The following PCDH11X variants were observed in gnomAD, a reference collection of about 807,000 sequenced individuals.
The protein encoded by PCDH11X is protocadherin-11 X-linked.
Under a neutral mutation model 53.3 loss-of-function variants are expected in PCDH11X, and 18 were observed. The observed-to-expected ratio is 0.34, with a 90% CI of 0.23 to 0.50. The LOEUF (loss-of-function observed/expected upper bound fraction) is 0.50. Ranked by LOEUF, PCDH11X falls within the 20% of genes least tolerant of loss-of-function variation. The pLI is 0.98. For synonymous variants in PCDH11X, 279 were observed against 393.3 expected (o/e 0.71, Z 3.44); for missense variants, 570 against 1,032.4 (o/e 0.55, Z 6.14).
At chrX:91,975,245 T>C (rs1419951296) in intron 6 of PCDH11X, among the ~76,000 whole-genome samples, 1 of 111,893 alleles carries the variant, frequency 8.9e-6, no homozygotes, top group Non-Finnish European at 1.9e-5. Flanking sequence ...GATATCTTAA[T>C]AGACCAAAAT....
chrX:91,969,866 G>A lies in PCDH11X; in HGVS notation c.3033+90593G>A, dbSNP rs768082122. Among the ~76,000 whole-genome samples the A allele has an allele frequency of 2.7e-3, 300 of 109,951 alleles. 2 individuals carry two copies. The highest frequency in any genetic ancestry group is 9.4e-3 in the African/African-American group (285 of 30,268). On this transcript the variant is annotated intron_variant, in intron 6 of 10. Transcript: ENST00000682573. ...ATCATCGTGTTTGGCAGCATGGCTT[G>A]GTGGAGAGTGCGGCCTAGAATCCTG...
chrX:91,896,734 A>G (rs1192179211), intron 6 of PCDH11X, among the ~76,000 whole-genome samples: 1 of 44,578 alleles, frequency 2.2e-5, no homozygotes, highest in African/African-American at 1.1e-4. Flanking sequence ...AGGTTATAAC[A>G]TTAGTAAGTG....
intron 6 of PCDH11X, among the ~76,000 whole-genome samples, chrX:92,054,243 A>T (rs2063407557): frequency 9.0e-6 from 1 of 111,684 alleles, no homozygotes; most frequent in Non-Finnish European, 1.9e-5. Flanking sequence ...GGGACCTAGA[A>T]GCAAAGCAGG....
Position 92,093,128 on chromosome X carries a change from A to G in PCDH11X, c.3034-108247A>G, listed in dbSNP as rs1480492793. 2.7e-5 allele frequency among the ~76,000 whole-genome samples: 3 copies of G among 111,224 alleles called. No homozygotes were observed. In the East Asian group the frequency reaches 8.5e-4, roughly 31 times the overall value. ...CTATGCTTCTTATACAACCTGGAGA[A>G]TGCCGAGCCAATTAAATCTCTTTTC... On this transcript the variant is annotated intron_variant, in intron 6 of 10. Coordinates refer to ENST00000682573, the MANE Select transcript of PCDH11X (RefSeq NM_032968.5).
chrX:92,126,851 T>G (rs1007109521), intron 6 of PCDH11X, among the ~76,000 whole-genome samples: 3 of 92,800 alleles, frequency 3.2e-5, no homozygotes, highest in Non-Finnish European at 6.3e-5. Flanking sequence ...GTTTGAAATA[T>G]GTTAAAAAAA....
At chrX:92,498,617 T>C (rs2073902704) in intron 10 of PCDH11X, among the ~76,000 whole-genome samples, 1 of 109,166 alleles carries the variant, frequency 9.2e-6, no homozygotes, top group Admixed American at 1.0e-4. Flanking sequence ...TATTAGTAAC[T>C]AACATATAGC....
At chrX:92,480,302 G>A (rs1366500716) in intron 10 of PCDH11X, among the ~76,000 whole-genome samples, 1 of 111,100 alleles carries the variant, frequency 9.0e-6, no homozygotes, top group Admixed American at 9.6e-5. Context: ...ATGTACTCCT[G>A]CATCTCAATG....
chrX:92,421,731 T>C (rs1238802142), intron 9 of PCDH11X, among the ~76,000 whole-genome samples: 2 of 112,042 alleles, frequency 1.8e-5, no homozygotes, highest in Non-Finnish European at 3.8e-5. Flanking sequence ...CGACTAACAA[T>C]ATGTAACTCT....
intron 9 of PCDH11X, among the ~76,000 whole-genome samples, chrX:92,431,661 G>A (rs2072253329): frequency 9.1e-6 from 1 of 109,323 alleles, no homozygotes; most frequent in Admixed American, 9.8e-5. Context: ...CACATGAGAT[G>A]AGAATAAATT....
At chrX:92,023,793 A>G (rs1007008942) in intron 6 of PCDH11X, among the ~76,000 whole-genome samples, 3 of 108,257 alleles carry the variant, frequency 2.8e-5, no homozygotes, top group African/African-American at 1.0e-4. Flanking sequence ...CAAACCTAGC[A>G]GGACATCAAA....
At chrX:92,080,190 A>C (rs1430052226) in intron 6 of PCDH11X, among the ~76,000 whole-genome samples, 1 of 110,753 alleles carries the variant, frequency 9.0e-6, no homozygotes, top group Non-Finnish European at 1.9e-5. Context: ...AGGGAAATAG[A>C]TTATCTCCCA....
At chrX:92,132,871 C>G (rs1035977275) in intron 6 of PCDH11X, among the ~76,000 whole-genome samples, 1 of 107,368 alleles carries the variant, frequency 9.3e-6, no homozygotes, top group African/African-American at 3.4e-5. Context: ...AAAATAAACT[C>G]CATTGGATTA....
In PCDH11X at chrX:92,496,828, C is replaced by T. The variant is rs190110372; in HGVS notation, c.3367+28506C>T. ...TCTTCTTACATGCCTTTGCAGTACCCTCACCTAGAATGCTTTTCCACCCAT... is the reference window on the plus strand; with the variant it reads ...TCTTCTTACATGCCTTTGCAGTACCTTCACCTAGAATGCTTTTCCACCCAT... On this transcript the variant is annotated intron_variant, in intron 10 of 10. Coordinates refer to ENST00000682573, the MANE Select transcript of PCDH11X (RefSeq NM_032968.5). Among the ~76,000 whole-genome samples, 857 of 108,094 alleles carry T rather than the reference C, an allele frequency of 7.9e-3. 19 individuals are homozygous for T. The highest frequency in any genetic ancestry group is 0.028 in the African/African-American group (800 of 28,483). The allele number at this position is 108,094 out of a possible 115,157, so 93.9% of individuals were successfully genotyped here.
At chrX:92,170,123 A>T (rs1304303197) in intron 6 of PCDH11X, among the ~76,000 whole-genome samples, 2 of 111,312 alleles carry the variant, frequency 1.8e-5, no homozygotes, top group Non-Finnish European at 3.8e-5. Flanking sequence ...TCTATTTTTC[A>T]TTACCATAAG....
At chrX:92,220,752 A>T (rs2066851064) in intron 7 of PCDH11X, among the ~76,000 whole-genome samples, 1 of 108,004 alleles carries the variant, frequency 9.3e-6, no homozygotes, top group Non-Finnish European at 1.9e-5. Flanking sequence ...ATGCACAGGT[A>T]TGTTTATTGC....
At chrX:92,441,005 G>T (rs144805079) in intron 9 of PCDH11X, among the ~76,000 whole-genome samples, 2,051 of 111,157 alleles carry the variant, frequency 0.018, 31 homozygotes, top group Middle Eastern at 0.046. Flanking sequence ...AACTTGTTGG[G>T]AACTGGAGAA....
At chrX:92,356,259 A>G (rs1322875648) in intron 8 of PCDH11X, among the ~76,000 whole-genome samples, 1 of 111,765 alleles carries the variant, frequency 8.9e-6, no homozygotes, top group Non-Finnish European at 1.9e-5. Flanking sequence ...TAACCACATT[A>G]AAATGTTTCA....
rs1246174806 is a variant in PCDH11X at position 91,963,294 on chromosome X, A to G, written c.3033+84021A>G. Among the ~76,000 whole-genome samples the G allele has an allele frequency of 4.5e-5, 5 of 110,432 alleles. No homozygotes were observed. The East Asian group carries it at 1.4e-3, about 32-fold the overall frequency. On this transcript the variant is annotated intron_variant, in intron 6 of 10. Coordinates refer to ENST00000682573, the MANE Select transcript of PCDH11X (RefSeq NM_032968.5). Reference sequence around the variant, plus strand: ...TAATGCTTTTAACAGCACCCACATCACCTCTTGAATGATTTACTACTTACA... The same window carrying G: ...TAATGCTTTTAACAGCACCCACATCGCCTCTTGAATGATTTACTACTTACA...
chrX:92,017,602 C>T (rs1446362477), intron 6 of PCDH11X, among the ~76,000 whole-genome samples: 124 of 104,916 alleles, frequency 1.2e-3, no homozygotes, highest in Middle Eastern at 4.8e-3. Flanking sequence ...GAGGCTGAGA[C>T]ATGAGAATGG....
Sources: gnomAD v4.1 joint callset for allele counts (sites outside exome capture counted in the v4.1 genomes callset) on GRCh38, gnomAD v4.1.1 for gene constraint, MANE v1.5 for transcripts, NCBI Gene and HGNC (gene_info 2026-07-23, HGNC 2026-07-21) for gene names.